The following WWOX variants were observed in gnomAD, a reference collection of about 807,000 sequenced individuals.
The protein encoded by WWOX is WW domain containing oxidoreductase.
In WWOX, 69 loss-of-function variants were observed where a neutral mutation model predicts 46.2. That is an observed-to-expected ratio of 1.49 (90% CI 1.23 to 1.82). WWOX has a LOEUF of 1.82. Among genes scored for constraint, WWOX ranks in the 40% most tolerant of loss-of-function variants. The probability of loss-of-function intolerance (pLI) is 0.00; values close to 1 mark genes in which losing one functional copy is unlikely to be tolerated. For missense variants in WWOX, 919 were observed against 542.6 expected, an observed-to-expected ratio of 1.69 and a Z score of -6.89; for synonymous variants, 359 against 202.6, an observed-to-expected ratio of 1.77 and a Z score of -6.56.
Position 78,775,042 on chromosome 16 carries a change from A to C in WWOX, c.1056+342290A>C, listed in dbSNP as rs1021442365. Among the ~76,000 whole-genome samples the C allele has an allele frequency of 4.6e-5, 7 of 152,010 alleles. No homozygotes were observed. The East Asian group carries it at 5.8e-4, about 13-fold the overall frequency. On this transcript the variant is annotated intron_variant, in intron 8 of 8. Transcript: ENST00000566780. ...GATGGCGAGAGACATCACAGCCCTC[A>C]CTCCTGAGGGTGGGGAGCCATCTCA...
chr16:78,638,994 C>G (rs1597381512), intron 8 of WWOX, among the ~76,000 whole-genome samples: 1 of 152,254 alleles, frequency 6.6e-6, no homozygotes, highest in East Asian at 1.9e-4. Context: ...TAAAGGCTTA[C>G]TGGGTATCAG....
chr16:79,106,976 A>T (rs1294557556), intron 8 of WWOX, among the ~76,000 whole-genome samples: 2 of 151,736 alleles, frequency 1.3e-5, no homozygotes, highest in African/African-American at 4.8e-5. Context: ...ATGTCCCACG[A>T]ATTTTTGTAT....
rs567585558 is a variant in WWOX at position 78,339,065 on chromosome 16, C to T, written c.517-47795C>T. ...TTTCAATAAGAAGGAAATTTAGCTT[C>T]CTTCTACTTTGGTGCCCCATGATGA... On this transcript the variant is annotated intron_variant, in intron 5 of 8. Coordinates refer to ENST00000566780, the MANE Select transcript of WWOX (RefSeq NM_016373.4). Among the ~76,000 whole-genome samples the T allele has an allele frequency of 4.2e-5, 5 of 119,900 alleles. 2 individuals carry two copies. The highest frequency in any genetic ancestry group is 9.9e-5 in the Non-Finnish European group (5 of 50,366). The allele number at this position is 119,900 out of a possible 152,430, so 78.7% of individuals were successfully genotyped here. A position where few individuals can be genotyped will look rare whatever the true frequency, so the allele number is the denominator to read the frequency against.
At chr16:78,769,032 T>C (rs987594961) in intron 8 of WWOX, among the ~76,000 whole-genome samples, 1 of 152,190 alleles carries the variant, frequency 6.6e-6, no homozygotes, top group African/African-American at 2.4e-5. Flanking sequence ...TTTGTTGTTA[T>C]TTTTCTTCAA....
At chr16:78,674,643 C>A (rs551933397) in intron 8 of WWOX, among the ~76,000 whole-genome samples, 5 of 152,128 alleles carry the variant, frequency 3.3e-5, no homozygotes, top group Admixed American at 2.6e-4. Flanking sequence ...ACACTTCTGG[C>A]CACCTGCCTT....
rs539153080 is a variant in WWOX, at chr16:78,734,481, T to TGACATTTCTAGTGAAGGGA, written c.1056+301739_1056+301757dup. On this transcript the variant is annotated intron_variant, in intron 8 of 8. Coordinates refer to ENST00000566780, the MANE Select transcript of WWOX (RefSeq NM_016373.4). ...TCCTTAAATCTTACGGTCTGCGGGTTGACATTTCTAGTGAAGGGAGACATT... is the reference window on the plus strand; with the variant it reads ...TCCTTAAATCTTACGGTCTGCGGGTTGACATTTCTAGTGAAGGGAGACATTTCTAGTGAAGGGAGACATT... Among the ~76,000 whole-genome samples the TGACATTTCTAGTGAAGGGA allele has an allele frequency of 1.3e-3, 198 of 152,322 alleles. 1 individual carries two copies. Among genetic ancestry groups the TGACATTTCTAGTGAAGGGA allele is most frequent in the South Asian group, 0.011 (55 of 4,830 alleles).
At chr16:78,600,180 C>T (rs904960062) in intron 8 of WWOX, among the ~76,000 whole-genome samples, 3 of 152,096 alleles carry the variant, frequency 2.0e-5, no homozygotes, top group South Asian at 2.1e-4. Flanking sequence ...GAAAGACTTG[C>T]CCTCATGATT....
chr16:78,927,385 C>T (rs117803149), intron 8 of WWOX, among the ~76,000 whole-genome samples: 2,490 of 152,180 alleles, frequency 0.016, 22 homozygotes, highest in Non-Finnish European at 0.027. Context: ...TGGAGCAGAC[C>T]ATCAATAACT....
chr16:78,887,248 A>G (rs2044484105), intron 8 of WWOX, among the ~76,000 whole-genome samples: 1 of 151,972 alleles, frequency 6.6e-6, no homozygotes, highest in Non-Finnish European at 1.5e-5. Flanking sequence ...TCATGACTGT[A>G]AAATGCTATT....
At chr16:78,138,134 A>G (rs2033863920) in intron 4 of WWOX, among the ~76,000 whole-genome samples, 1 of 150,778 alleles carries the variant, frequency 6.6e-6, no homozygotes, top group Admixed American at 6.6e-5. Context: ...AGCTGATGGT[A>G]GGACTGTAGA....
At chr16:78,425,141 T>A in intron 7 of WWOX, 86 bp downstream of exon 7, 1 of 1,568,306 alleles carries the variant, frequency 6.4e-7, no homozygotes, top group East Asian at 2.2e-5. Flanking sequence ...GAAAATAATT[T>A]TCATTAGTCC....
In WWOX at chr16:78,827,305, A is replaced by G. The variant is rs149914602; in HGVS notation, c.1057-384303A>G. Among the ~76,000 whole-genome samples the G allele has an allele frequency of 1.5e-3, 226 of 152,236 alleles. 1 individual carries two copies. Among genetic ancestry groups the G allele is most frequent in the African/African-American group, 5.2e-3 (218 of 41,560 alleles). On this transcript the variant is annotated intron_variant, in intron 8 of 8. Transcript: ENST00000566780. ...TAAGAGCTTCACGCAGATGACATCAAAGCACCATGTGTGGGGGAAGCACGA... is the reference window on the plus strand; with the variant it reads ...TAAGAGCTTCACGCAGATGACATCAGAGCACCATGTGTGGGGGAAGCACGA...
intron 8 of WWOX, among the ~76,000 whole-genome samples, chr16:78,578,081 C>A (rs1438420260): frequency 6.6e-6 from 1 of 151,420 alleles, no homozygotes; most frequent in Non-Finnish European, 1.5e-5. Flanking sequence ...TAGCCACCTG[C>A]TTCCGAAAGT....
At chr16:78,424,410 G>A (rs538680357) in intron 6 of WWOX, among the ~76,000 whole-genome samples, 4 of 152,248 alleles carry the variant, frequency 2.6e-5, no homozygotes, top group Admixed American at 2.6e-4. Flanking sequence ...GTGAGCCCCC[G>A]CGCCTGGCCC....
intron 8 of WWOX, among the ~76,000 whole-genome samples, chr16:78,879,903 T>G (rs1197054291): frequency 1.3e-5 from 2 of 151,308 alleles, no homozygotes; most frequent in Non-Finnish European, 2.9e-5. Context: ...GAAGAAGAAG[T>G]AATTCCTAAC....
intron 5 of WWOX, chr16:78,278,827 A>G: frequency 1.5e-6 from 1 of 671,770 alleles, no homozygotes; most frequent in South Asian, 2.0e-5. Context: ...ATCAGTTTGC[A>G]GTTATGCTTT....
intron 8 of WWOX, among the ~76,000 whole-genome samples, chr16:78,468,526 G>A (rs775754211): frequency 6.6e-6 from 1 of 152,148 alleles, no homozygotes; most frequent in South Asian, 2.1e-4. Flanking sequence ...GTCCATTGTC[G>A]GCCCTCTTAG....
chr16:78,967,200 A>T (rs2046377621), intron 8 of WWOX, among the ~76,000 whole-genome samples: 1 of 150,802 alleles, frequency 6.6e-6, no homozygotes, highest in African/African-American at 2.4e-5. Flanking sequence ...GGAAGGAAAG[A>T]GGAAAATGCG....
chr16:78,272,726 A>G (rs1485406433), intron 5 of WWOX, among the ~76,000 whole-genome samples: 3 of 152,064 alleles, frequency 2.0e-5, no homozygotes, highest in South Asian at 2.1e-4. Context: ...ATTTTTACCT[A>G]TAACAGCAGT....
Sources: allele counts gnomAD v4.1 joint callset (sites outside exome capture counted in the v4.1 genomes callset), GRCh38; gene constraint gnomAD v4.1.1; transcripts MANE v1.5; gene names NCBI Gene and HGNC (gene_info 2026-07-23, HGNC 2026-07-21).